Variants in RAB13 observed in about 807,000 individuals in gnomAD.
The protein encoded by RAB13 is RAB13, member RAS oncogene family.
Under a neutral mutation model 29.3 loss-of-function variants are expected in RAB13, and 15 were observed. The observed-to-expected ratio is 0.51, with a 90% confidence interval of 0.34 to 0.79. The LOEUF (loss-of-function observed/expected upper bound fraction) is 0.79. Ranked by LOEUF, RAB13 falls within the 30% of genes least tolerant of loss-of-function variation. RAB13 has a pLI of 0.01. For synonymous variants in RAB13, 82 were observed against 93.8 expected (o/e 0.87, Z 0.73); for missense variants, 186 against 255.5 (o/e 0.73, Z 1.85).
chr1:153,982,744 T>C lies in RAB13; in HGVS notation c.389A>G (p.Lys130Arg). 6.2e-7 allele frequency: 1 copy of C among 1,614,164 alleles called. No homozygotes were observed. Among genetic ancestry groups the C allele is most frequent in the Non-Finnish European group, 8.5e-7 (1 of 1,180,026 alleles). Residue 130 changes from lysine to arginine, a missense_variant, in exon 5 of 8, where the codon AAG (lysine) becomes AGG (arginine). Physicochemically the swap from Lys to Arg is conservative, Grantham distance 26. Transcript: ENST00000368575. ...CTTATCGGCCTGCTCCTTCTGCACC[T>C]TCCTCTTGGCCTCCATGTCACATTT... ...GNKCDMEAKR[K>R]VQKEQADKLA...
chr1:153,990,659 C>A, upstream of RAB13: 2 of 1,174,690 alleles, frequency 1.7e-6, no homozygotes, highest in Non-Finnish European at 2.5e-6. Context: ...TGTCTCCCCA[C>A]TGCGGCGGAT....
In RAB13 at chr1:153,982,003, C is replaced by A; in HGVS notation, c.*96G>T. ...TTCTCTTTACCATCTACCTATGTGACCCTCCAAGCCCCTCTGCTATTTCTC... is the reference window on the plus strand; with the variant it reads ...TTCTCTTTACCATCTACCTATGTGAACCTCCAAGCCCCTCTGCTATTTCTC... On this transcript the variant is annotated 3_prime_UTR_variant, in exon 8 of 8. Coordinates refer to ENST00000368575, the MANE Select transcript of RAB13 (RefSeq NM_002870.5). 2.0e-6 allele frequency: 2 copies of A among 1,019,506 alleles called. No individual in the cohort carries two copies. The highest frequency in any genetic ancestry group is 1.3e-5 in the South Asian group (1 of 78,298). The allele number at this position is 1,019,506 out of a possible 1,614,324, so 63.2% of individuals were successfully genotyped here.
In RAB13 at chr1:153,983,035, A is replaced by G. The variant is rs553922996; in HGVS notation, c.324+184T>C. The G allele has an allele frequency of 1.7e-4, 127 of 732,450 alleles. 1 individual carries two copies. Among genetic ancestry groups the G allele is most frequent in the South Asian group, 1.5e-3 (89 of 59,528 alleles). The allele number at this position is 732,450 out of a possible 1,614,324, so 45.4% of individuals were successfully genotyped here. A position where few individuals can be genotyped will look rare whatever the true frequency, so the allele number is the denominator to read the frequency against. ...AGCTACTTGGGAGGCTGAGGCAGGA[A>G]AATCGTTTGAACCTGGGAGGCAGAG... is the stretch of plus-strand genomic sequence containing the variant. On this transcript the variant is annotated intron_variant, in intron 4 of 7. Transcript: ENST00000368575.
At chr1:153,988,631 G>C (rs930642958), upstream of RAB13, among the ~76,000 whole-genome samples, 1 of 148,618 alleles carries the variant, frequency 6.7e-6, no homozygotes. Context: ...TGTTTATTTT[G>C]AGGTGGAGTT....
intron 1 of RAB13, chr1:153,985,342 G>T (rs866484019): frequency 3.0e-6 from 3 of 984,214 alleles, no homozygotes; most frequent in Admixed American, 1.2e-4. Flanking sequence ...CAGAATTGTC[G>T]TGAGACTCTT....
chr1:153,987,143 TCTCA>T (rs1473574903), upstream of RAB13, among the ~76,000 whole-genome samples: 1 of 152,136 alleles, frequency 6.6e-6, no homozygotes, highest in African/African-American at 2.4e-5. Flanking sequence ...ACTCCTGAAA[TCTCA>T]CTCAATAGGC....
intron 1 of RAB13, chr1:153,985,415 T>A: frequency 1.0e-6 from 1 of 971,102 alleles, no homozygotes; most frequent in Non-Finnish European, 1.2e-6. Context: ...GGAGACAATG[T>A]TCTTCTTAGT....
chr1:153,986,648 G>T (rs887616559), upstream of RAB13, among the ~76,000 whole-genome samples: 1 of 152,108 alleles, frequency 6.6e-6, no homozygotes, highest in African/African-American at 2.4e-5. Context: ...AGAGGGATTA[G>T]GGGAAGAGAA....
At chr1:153,984,836 T>C in intron 1 of RAB13, 55 bp from the exon 2 acceptor site, 2 of 1,564,038 alleles carry the variant, frequency 1.3e-6, no homozygotes, top group Non-Finnish European at 1.7e-6. Flanking sequence ...CATGTAAAAC[T>C]GTGTGATGGA....
chr1:153,988,254 A>G (rs111762133), upstream of RAB13, among the ~76,000 whole-genome samples: 13 of 148,976 alleles, frequency 8.7e-5, no homozygotes, highest in African/African-American at 3.2e-4. Context: ...GGCCTCCCAA[A>G]GTGCTGGGAT....
rs1330081103 is a variant in RAB13, at chr1:153,981,874, C to T, written c.*225G>A. 3.4e-6 allele frequency: 2 copies of T among 586,426 alleles called. No individual in the cohort carries two copies. The highest frequency in any genetic ancestry group is 3.7e-5 in the African/African-American group (2 of 53,544). 36.3% of individuals were successfully genotyped at this position (586,426 alleles called of 1,614,324 possible). A position where few individuals can be genotyped will look rare whatever the true frequency, so the allele number is the denominator to read the frequency against. The stretch of plus-strand genomic sequence containing the variant: ...CCTTTCCTCCTCCCTCTCTTCCTAC[C>T]TCCTTGCCTTCTTTCACTTCCTCAA... On this transcript the variant is annotated 3_prime_UTR_variant, in exon 8 of 8. Coordinates refer to ENST00000368575, the MANE Select transcript of RAB13 (RefSeq NM_002870.5).
upstream of RAB13, among the ~76,000 whole-genome samples, chr1:153,990,586 A>G (rs1287988070): frequency 6.6e-6 from 1 of 152,164 alleles, no homozygotes; most frequent in African/African-American, 2.4e-5. Flanking sequence ...TAACCCTCTC[A>G]ACATGGTGAC....
upstream of RAB13, among the ~76,000 whole-genome samples, chr1:153,988,991 G>T (rs1463404227): frequency 6.8e-6 from 1 of 146,798 alleles, no homozygotes; most frequent in African/African-American, 2.5e-5. Flanking sequence ...TCAATCTCTG[G>T]TCACTGCAAC....
intron 7 of RAB13, 67 bp downstream of exon 7, chr1:153,982,323 AC>A: frequency 6.7e-7 from 1 of 1,500,394 alleles, no homozygotes; most frequent in East Asian, 2.3e-5. Flanking sequence ...ACACACACAC[AC>A]ACACACACAC....
upstream of RAB13, among the ~76,000 whole-genome samples, chr1:153,987,814 G>A (rs1445860705): frequency 6.7e-6 from 1 of 148,442 alleles, no homozygotes; most frequent in Admixed American, 6.8e-5. Flanking sequence ...AGCCATACAT[G>A]GTGGTGTGGC....
intron 1 of RAB13, 128 bp downstream of exon 1, chr1:153,985,985 G>T: frequency 6.8e-7 from 1 of 1,472,982 alleles, no homozygotes. Context: ...GTCAGAGCCA[G>T]GGGTTGAGGG....
At chr1:153,989,134 G>A (rs906719777), upstream of RAB13, among the ~76,000 whole-genome samples, 7 of 117,244 alleles carry the variant, frequency 6.0e-5, 1 homozygote, top group African/African-American at 2.2e-4. Context: ...GTTTCACCAT[G>A]TTGGCCACGC....
chr1:153,984,718 T>C lies in RAB13; in HGVS notation c.185+3A>G. Reference sequence around the variant, plus strand: ...GGCGAGGCATCCCAGAGGACTGACTTACCAGACTTGTAGTTTGATCTTCTT... The same window carrying C: ...GGCGAGGCATCCCAGAGGACTGACTCACCAGACTTGTAGTTTGATCTTCTT... On this transcript the variant is annotated splice_donor_region_variant and intron_variant, in intron 2 of 7. Transcript: ENST00000368575. The C allele has an allele frequency of 6.2e-7, 1 of 1,612,250 alleles. No homozygotes were observed. Among genetic ancestry groups the C allele is most frequent in the Non-Finnish European group, 8.5e-7 (1 of 1,178,686 alleles).
At chr1:153,987,536 G>C (rs1187663490), upstream of RAB13, among the ~76,000 whole-genome samples, 1 of 137,972 alleles carries the variant, frequency 7.2e-6, no homozygotes, top group Non-Finnish European at 1.6e-5. Flanking sequence ...AAAAAAGAAA[G>C]AAAGAAAGAG....
Sources: allele counts gnomAD v4.1 joint callset (sites outside exome capture counted in the v4.1 genomes callset), GRCh38; gene constraint gnomAD v4.1.1; transcripts MANE v1.5; gene names NCBI Gene and HGNC (gene_info 2026-07-23, HGNC 2026-07-21).